CACNB2: variants seen among roughly 807,000 people sequenced by gnomAD.
CACNB2 encodes the protein calcium voltage-gated channel auxiliary subunit beta 2, also known as voltage-dependent L-type calcium channel subunit beta-2.
CACNB2 carries 42 observed loss-of-function variants against 73.3 expected under a neutral mutation model. That is an observed-to-expected ratio of 0.57 (90% CI 0.45 to 0.74). The LOEUF (loss-of-function observed/expected upper bound fraction) is 0.74, where lower values mean the gene tolerates loss of function less well. CACNB2 is among the 30% of genes least tolerant of loss of function. The probability of loss-of-function intolerance (pLI) is 0.00; values close to 1 mark genes in which losing one functional copy is unlikely to be tolerated. For synonymous variants in CACNB2, 348 were observed against 310.3 expected (o/e 1.12, Z -1.28); for missense variants, 940 against 853.0 (o/e 1.10, Z -1.27).
chr10:18,414,572 A>C (rs1589282842), intron 3 of CACNB2, among the ~76,000 whole-genome samples: 1 of 144,830 alleles, frequency 6.9e-6, no homozygotes, highest in Admixed American at 7.1e-5. Context: ...GCAACCTCTG[A>C]CTCCCGAGTT....
rs185769321 is a variant in CACNB2, at chr10:18,143,110, C to T, written c.120+2254C>T. 2.2e-4 allele frequency among the ~76,000 whole-genome samples: 34 copies of T among 152,254 alleles called. 1 individual carries two copies. The East Asian group carries it at 4.8e-3, about 22-fold the overall frequency. Reference sequence around the variant, plus strand: ...TGGTAAGGTCAAGATTGGACACAGGCGTAAAACTGACAAAGCAATTTGAGA... The same window carrying T: ...TGGTAAGGTCAAGATTGGACACAGGTGTAAAACTGACAAAGCAATTTGAGA... On this transcript the variant is annotated intron_variant, in intron 1 of 13. Coordinates refer to ENST00000324631, the MANE Select transcript of CACNB2 (RefSeq NM_201596.3).
intron 9 of CACNB2, among the ~76,000 whole-genome samples, chr10:18,527,241 T>G (rs1176730138): frequency 6.6e-6 from 1 of 152,036 alleles, no homozygotes; most frequent in Non-Finnish European, 1.5e-5. Context: ...CCGGGTGTGG[T>G]GGCACACACC....
chr10:18,514,591 C>T, intron 7 of CACNB2: 1 of 1,550,780 alleles, frequency 6.4e-7, no homozygotes, highest in Non-Finnish European at 8.9e-7. Context: ...GCATTAATTC[C>T]CACAGTTGTA....
intron 3 of CACNB2, among the ~76,000 whole-genome samples, chr10:18,484,908 A>G (rs1367397539): frequency 2.0e-5 from 3 of 152,206 alleles, no homozygotes; most frequent in Non-Finnish European, 4.4e-5. Context: ...TAATCTGAGC[A>G]CTTTGGAAGG....
intron 2 of CACNB2, among the ~76,000 whole-genome samples, chr10:18,345,859 C>T (rs1349785879): frequency 1.3e-5 from 2 of 152,188 alleles, no homozygotes; most frequent in African/African-American, 4.8e-5. Flanking sequence ...AGATATCTCA[C>T]TTATTTTTGA....
chr10:18,216,623 A>G (rs1419424292), intron 2 of CACNB2, among the ~76,000 whole-genome samples: 1 of 152,202 alleles, frequency 6.6e-6, no homozygotes, highest in Non-Finnish European at 1.5e-5. Flanking sequence ...TTTCAGTGAT[A>G]GCTTGTGCAG....
Position 18,300,724 on chromosome 10 carries a change from C to T in CACNB2, c.214-101200C>T, listed in dbSNP as rs181566463. On this transcript the variant is annotated intron_variant, in intron 2 of 13. Coordinates refer to ENST00000324631, the MANE Select transcript of CACNB2 (RefSeq NM_201596.3). Reference sequence around the variant, plus strand: ...ATTAGCCGTGCATGGTGGTGGGCACCTGTAATCCCAGCTACTCGGGAGGCT... The same window carrying T: ...ATTAGCCGTGCATGGTGGTGGGCACTTGTAATCCCAGCTACTCGGGAGGCT... 1.4e-3 allele frequency among the ~76,000 whole-genome samples: 216 copies of T among 152,226 alleles called. 2 individuals carry two copies. The highest frequency in any genetic ancestry group is 4.9e-3 in the African/African-American group (203 of 41,556).
chr10:18,258,722 G>A (rs975651853), intron 2 of CACNB2, among the ~76,000 whole-genome samples: 30 of 151,934 alleles, frequency 2.0e-4, no homozygotes, highest in African/African-American at 7.0e-4. Flanking sequence ...GCGAAACTCT[G>A]TGTCAAAAAC....
At chr10:18,154,936 C>T (rs989098345) in intron 2 of CACNB2, among the ~76,000 whole-genome samples, 1 of 152,138 alleles carries the variant, frequency 6.6e-6, no homozygotes, top group Non-Finnish European at 1.5e-5. Flanking sequence ...TCCAAAACTG[C>T]GAGAAAATTA....
rs2040762738 is a variant in CACNB2 at position 18,330,649 on chromosome 10, C to T, written c.214-71275C>T. 2.0e-5 allele frequency among the ~76,000 whole-genome samples: 3 copies of T among 152,032 alleles called. No homozygotes were observed. The South Asian group carries it at 6.2e-4, about 32-fold the overall frequency. ...GAGCAAGACCCTGTCTCCAAAATAACTAAAGGTTAAAATTAAAACTAAAAC... is the reference window on the plus strand; with the variant it reads ...GAGCAAGACCCTGTCTCCAAAATAATTAAAGGTTAAAATTAAAACTAAAAC... On this transcript the variant is annotated intron_variant, in intron 2 of 13. Transcript: ENST00000324631.
At chr10:18,295,998 G>GTTTTTT (rs34043231) in intron 2 of CACNB2, among the ~76,000 whole-genome samples, 1 of 60,760 alleles carries the variant, frequency 1.6e-5, no homozygotes, top group Non-Finnish European at 2.9e-5. Context: ...CTTTTTGCGT[G>GTTTTTT]TTTTTTTTTT....
intron 3 of CACNB2, among the ~76,000 whole-genome samples, chr10:18,497,897 T>G (rs1197520218): frequency 6.6e-6 from 1 of 152,236 alleles, no homozygotes; most frequent in East Asian, 1.9e-4. Flanking sequence ...TCCCCGGCTC[T>G]TTTCTCATTC....
At chr10:18,485,875 G>A (rs1297819027) in intron 3 of CACNB2, among the ~76,000 whole-genome samples, 1 of 150,012 alleles carries the variant, frequency 6.7e-6, no homozygotes. Flanking sequence ...GAGCCACCGT[G>A]CCCAGCCTCC....
At chr10:18,182,856 C>G (rs1008320013) in intron 2 of CACNB2, among the ~76,000 whole-genome samples, 1 of 151,634 alleles carries the variant, frequency 6.6e-6, no homozygotes, top group African/African-American at 2.4e-5. Flanking sequence ...TAATTTCCTT[C>G]ACCTGAAGCG....
chr10:18,365,308 T>C (rs1229190456), intron 2 of CACNB2, among the ~76,000 whole-genome samples: 1 of 152,222 alleles, frequency 6.6e-6, no homozygotes, highest in Non-Finnish European at 1.5e-5. Flanking sequence ...GACATTCTCA[T>C]CAGAATATGA....
rs546064485 is a variant in CACNB2, at chr10:18,371,334, C to T, written c.214-30590C>T. Among the ~76,000 whole-genome samples, 247 of 152,140 alleles carry T rather than the reference C, an allele frequency of 1.6e-3. 1 individual carries two copies. In the Middle Eastern group the frequency reaches 0.017, roughly 10 times the overall value. ...ACTTGTCATTTAACATTAGGTATAT[C>T]TCCTAATGCTATCCCTCCCCCCTTT... On this transcript the variant is annotated intron_variant, in intron 2 of 13. Coordinates refer to ENST00000324631, the MANE Select transcript of CACNB2 (RefSeq NM_201596.3).
At chr10:18,534,837 AC>A (rs1383179915) in intron 11 of CACNB2, among the ~76,000 whole-genome samples, 1 of 152,226 alleles carries the variant, frequency 6.6e-6, no homozygotes, top group Non-Finnish European at 1.5e-5. Context: ...TTCATAGAAT[AC>A]CATTTTTATC....
In CACNB2 at chr10:18,140,956, C is replaced by G; in HGVS notation, c.120+100C>G. 15 of 1,523,534 alleles carry G rather than the reference C, an allele frequency of 9.8e-6. No homozygotes were observed. In the South Asian group the frequency reaches 1.5e-4, roughly 15 times the overall value. 94.4% of individuals were successfully genotyped at this position (1,523,534 alleles called of 1,614,324 possible). A position where few individuals can be genotyped will look rare whatever the true frequency, so the allele number is the denominator to read the frequency against. ...CCTCCACTGCAGGGATCTCTAGCCT[C>G]GCACCTCCTCCCCTCGTCGCCTGCC... On this transcript the variant is annotated intron_variant, in intron 1 of 13. Coordinates refer to ENST00000324631, the MANE Select transcript of CACNB2 (RefSeq NM_201596.3).
Position 18,495,582 on chromosome 10 carries a change from T to TGTGTGTG in CACNB2, c.334-2772_334-2766dup, listed in dbSNP as rs1554830740. Among the ~76,000 whole-genome samples, 198 of 135,486 alleles carry TGTGTGTG rather than the reference T, an allele frequency of 1.5e-3. 5 individuals are homozygous for TGTGTGTG. The highest frequency in any genetic ancestry group is 4.4e-3 in the African/African-American group (159 of 36,044). 88.9% of individuals were successfully genotyped at this position (135,486 alleles called of 152,430 possible). A position where few individuals can be genotyped will look rare whatever the true frequency, so the allele number is the denominator to read the frequency against. On this transcript the variant is annotated intron_variant, in intron 3 of 13. Coordinates refer to ENST00000324631, the MANE Select transcript of CACNB2 (RefSeq NM_201596.3). The stretch of plus-strand genomic sequence containing the variant: ...GTGTGTGTGTGTGTGTGTGTGTGTG[T>TGTGTGTG]GTGTGTGTGTATAAGAGATGAGGTC...
Sources: gnomAD v4.1 joint callset for allele counts (sites outside exome capture counted in the v4.1 genomes callset) on GRCh38, gnomAD v4.1.1 for gene constraint, MANE v1.5 for transcripts, NCBI Gene and HGNC (gene_info 2026-07-23, HGNC 2026-07-21) for gene names.